CCSER1: variants seen among roughly 807,000 people sequenced by gnomAD.
CCSER1 encodes the protein serine-rich coiled-coil domain-containing protein 1.
A neutral mutation model predicts 82.0 loss-of-function variants in CCSER1; 41 were observed. That is an observed-to-expected ratio of 0.50 (90% CI 0.39 to 0.65). CCSER1 has a LOEUF of 0.65. Among genes scored for constraint, CCSER1 ranks in the 30% least tolerant of loss-of-function variants. CCSER1 has a pLI of 0.00. For missense variants in CCSER1, 1,119 were observed against 1,064.2 expected, an observed-to-expected ratio of 1.05 and a Z score of -0.72; for synonymous variants, 414 against 383.9, an observed-to-expected ratio of 1.08 and a Z score of -0.92.
rs1235138688 is a variant in CCSER1, at chr4:91,209,818, A to G, written c.2217+123824A>G. Among the ~76,000 whole-genome samples the G allele has an allele frequency of 6.6e-5, 10 of 151,830 alleles. No homozygotes were observed. In the East Asian group the frequency reaches 1.9e-3, roughly 29 times the overall value. On this transcript the variant is annotated intron_variant, in intron 10 of 10. Coordinates refer to ENST00000509176, the MANE Select transcript of CCSER1 (RefSeq NM_001145065.2). ...CCCCAATTCAGTCTAGGGAGGATGT[A>G]TGCTTCCAAGCAAAATATTTATATA...
chr4:91,489,279 A>G (rs1272443341), intron 10 of CCSER1, among the ~76,000 whole-genome samples: 1 of 152,186 alleles, frequency 6.6e-6, no homozygotes, highest in Non-Finnish European at 1.5e-5. Context: ...AGAGCAGCAG[A>G]TTATGCCAAT....
intron 7 of CCSER1, among the ~76,000 whole-genome samples, chr4:90,768,923 C>A (rs1354279258): frequency 6.6e-6 from 1 of 152,050 alleles, no homozygotes; most frequent in African/African-American, 2.4e-5. Flanking sequence ...AAATTCTCAG[C>A]CTCTCTAGAA....
At chr4:90,512,339 A>G (rs1178057874) in intron 5 of CCSER1, among the ~76,000 whole-genome samples, 3 of 151,902 alleles carry the variant, frequency 2.0e-5, no homozygotes, top group Non-Finnish European at 4.4e-5. Context: ...AGTATCAGGA[A>G]CAAATCCTTT....
intron 5 of CCSER1, among the ~76,000 whole-genome samples, chr4:90,590,536 C>T (rs745587896): frequency 9.9e-5 from 15 of 151,530 alleles, no homozygotes; most frequent in African/African-American, 3.2e-4. Context: ...GCCGAGATCG[C>T]GCTATTGCAC....
At chr4:90,200,018 C>A (rs1288066006) in intron 1 of CCSER1, among the ~76,000 whole-genome samples, 8 of 151,634 alleles carry the variant, frequency 5.3e-5, no homozygotes, top group African/African-American at 1.9e-4. Flanking sequence ...CCTCGATCCC[C>A]TACCCTGGAG....
At chr4:90,154,364 T>C (rs1459276743) in intron 1 of CCSER1, among the ~76,000 whole-genome samples, 3 of 152,246 alleles carry the variant, frequency 2.0e-5, no homozygotes, top group African/African-American at 4.8e-5. Context: ...CGATGCGGGC[T>C]CTTTTTTGGT....
At chr4:91,324,538 G>C (rs1358553) in intron 10 of CCSER1, among the ~76,000 whole-genome samples, 13,315 of 152,018 alleles carry the variant, frequency 0.088, 858 homozygotes, top group East Asian at 0.22. Context: ...GAACAATATT[G>C]TATTATTTAA....
intron 10 of CCSER1, among the ~76,000 whole-genome samples, chr4:91,392,355 C>A (rs956385953): frequency 1.7e-5 from 1 of 58,768 alleles, no homozygotes; most frequent in African/African-American, 5.3e-5. Flanking sequence ...AATATGAAAC[C>A]TACACATGCA....
At chr4:90,460,186 A>G (rs960219948) in intron 4 of CCSER1, among the ~76,000 whole-genome samples, 5 of 148,182 alleles carry the variant, frequency 3.4e-5, no homozygotes, top group Non-Finnish European at 2.9e-5. Context: ...TTAGCCGGGC[A>G]TGGTGGCGCG....
intron 1 of CCSER1, among the ~76,000 whole-genome samples, chr4:90,226,767 G>C (rs1027792264): frequency 6.6e-6 from 1 of 152,182 alleles, no homozygotes; most frequent in African/African-American, 2.4e-5. Flanking sequence ...CTTCAGCTAT[G>C]AGGAATACAG....
At chr4:91,540,493 G>A (rs77257932) in intron 10 of CCSER1, among the ~76,000 whole-genome samples, 5 of 151,948 alleles carry the variant, frequency 3.3e-5, no homozygotes, top group Non-Finnish European at 7.4e-5. Flanking sequence ...TATTTTTTCC[G>A]AATGTGAGGC....
chr4:90,984,995 C>T, intron 9 of CCSER1, among the ~76,000 whole-genome samples: 1 of 151,648 alleles, frequency 6.6e-6, no homozygotes, highest in East Asian at 1.9e-4. Context: ...CTCTGGCCAG[C>T]AGGAAAGGCG....
intron 5 of CCSER1, among the ~76,000 whole-genome samples, chr4:90,537,170 G>C (rs966657082): frequency 6.6e-6 from 1 of 152,018 alleles, no homozygotes; most frequent in Non-Finnish European, 1.5e-5. Context: ...TCTCTGAAAG[G>C]CTTCCTTAAG....
intron 10 of CCSER1, among the ~76,000 whole-genome samples, chr4:91,160,542 T>A (rs1009506891): frequency 1.1e-4 from 16 of 152,190 alleles, no homozygotes; most frequent in Non-Finnish European, 2.4e-4. Flanking sequence ...TTTCTCCACA[T>A]CCTCTCCAGC....
intron 7 of CCSER1, among the ~76,000 whole-genome samples, chr4:90,733,991 A>G (rs1345515027): frequency 6.6e-6 from 1 of 152,016 alleles, no homozygotes; most frequent in Non-Finnish European, 1.5e-5. Context: ...TGCTCAGGAT[A>G]GCTTTGGCTA....
At chr4:90,396,296 T>G (rs1213631621) in intron 3 of CCSER1, among the ~76,000 whole-genome samples, 12 of 152,164 alleles carry the variant, frequency 7.9e-5, no homozygotes, top group Non-Finnish European at 1.8e-4. Context: ...GTTAATCAAT[T>G]GCTGGATTTC....
intron 9 of CCSER1, among the ~76,000 whole-genome samples, chr4:90,933,439 G>T: frequency 6.6e-6 from 1 of 151,128 alleles, no homozygotes; most frequent in Non-Finnish European, 1.5e-5. Flanking sequence ...CGCCCACCTC[G>T]GCCTCCCCAA....
intron 1 of CCSER1, among the ~76,000 whole-genome samples, chr4:90,293,325 T>C (rs1430884650): frequency 6.6e-6 from 1 of 151,806 alleles, no homozygotes; most frequent in East Asian, 1.9e-4. Flanking sequence ...CTCTGATTTT[T>C]ATTATTCTGT....
At position 91,601,240 on chromosome 4, in the gene CCSER1, ATTTT is replaced by A. The variant is rs1323394269; in HGVS notation, c.*2184_*2187del. 2 of 152,104 alleles carry A rather than the reference ATTTT, an allele frequency of 1.3e-5. No homozygotes were observed. Among genetic ancestry groups the A allele is most frequent in the Non-Finnish European group, 2.9e-5 (2 of 67,976 alleles). 9.4% of individuals were successfully genotyped at this position (152,104 alleles called of 1,614,324 possible). ...ATAGAAGATCTGTCATTTAATAGAC[ATTTT>A]AAGAGATGTTTTAAACGCTAGTATT... On this transcript the variant is annotated 3_prime_UTR_variant, in exon 11 of 11. Transcript: ENST00000509176.
Sources: allele counts gnomAD v4.1 joint callset (sites outside exome capture counted in the v4.1 genomes callset), GRCh38; gene constraint gnomAD v4.1.1; transcripts MANE v1.5; gene names NCBI Gene and HGNC (gene_info 2026-07-23, HGNC 2026-07-21).